The following ERICH6B variants were observed in gnomAD, a reference collection of about 807,000 sequenced individuals.
ERICH6B encodes glutamate-rich protein 6B.
Under a neutral mutation model 80.0 loss-of-function variants are expected in ERICH6B, and 69 were observed. The ratio of observed to expected loss-of-function variants is 0.86; its 90% CI spans 0.71 to 1.05. The LOEUF is 1.05. Ranked by LOEUF, ERICH6B falls within the 50% of genes least tolerant of loss-of-function variation. ERICH6B has a pLI of 0.00. For synonymous variants in ERICH6B, 283 were observed against 291.9 expected (o/e 0.97, Z 0.31); for missense variants, 754 against 796.1 (o/e 0.95, Z 0.64).
chr13:45,549,516 T>C (rs192436556), intron 13 of ERICH6B, among the ~76,000 whole-genome samples: 64 of 152,326 alleles, frequency 4.2e-4, no homozygotes, highest in Non-Finnish European at 8.2e-4. Flanking sequence ...GACCATGGAC[T>C]CTGTATGCAT....
rs374526358 is a variant in ERICH6B at position 45,544,902 on chromosome 13, T to A, written c.1730A>T (p.His577Leu). The A allele has an allele frequency of 1.0e-5, 16 of 1,551,628 alleles. No homozygotes were observed. The highest frequency in any genetic ancestry group is 1.4e-5 in the Non-Finnish European group (16 of 1,147,012). The change falls in exon 14 of 15, where the codon CAT (histidine) becomes CTT (leucine). Residue 577 changes from histidine to leucine, a missense_variant. By Grantham distance (99) the His-to-Leu change is moderately conservative. Transcript: ENST00000298738. Reference protein sequence around the residue: ...KAWNWWNLNIHVHAPPVQPIS... With the variant: ...KAWNWWNLNILVHAPPVQPIS... ...GGGCTGGACAGGGGGTGCGTGGACA[T>A]GGATGTTCAGATTCCACCAGTTCCA...
intron 8 of ERICH6B, among the ~76,000 whole-genome samples, chr13:45,572,526 C>T (rs958798883): frequency 2.6e-5 from 4 of 152,044 alleles, no homozygotes; most frequent in African/African-American, 7.3e-5. Context: ...TAGAAGAACA[C>T]GTAAATGAAT....
chr13:45,558,673 T>A (rs1874535882), intron 11 of ERICH6B, among the ~76,000 whole-genome samples: 1 of 152,246 alleles, frequency 6.6e-6, no homozygotes, highest in Non-Finnish European at 1.5e-5. Context: ...GTGCTTTTTC[T>A]GTGTCTATTG....
Position 45,597,015 on chromosome 13 carries a change from G to A in ERICH6B, c.-10C>T. On this transcript the variant is annotated 5_prime_UTR_variant, in exon 3 of 15. Transcript: ENST00000298738. ...TATTTTCAGCAGACATGCTGGGGAA[G>A]TCGTAGGTGGTGAACTCCTTCTGCA... The A allele has an allele frequency of 6.5e-7, 1 of 1,531,416 alleles. No homozygotes were observed. The highest frequency in any genetic ancestry group is 8.8e-7 in the Non-Finnish European group (1 of 1,135,608). The allele number at this position is 1,531,416 out of a possible 1,614,324, so 94.9% of individuals were successfully genotyped here. A position where few individuals can be genotyped will look rare whatever the true frequency, so the allele number is the denominator to read the frequency against.
chr13:45,541,404 G>T lies in ERICH6B; in HGVS notation c.*58C>A. 6.9e-7 allele frequency: 1 copy of T among 1,453,442 alleles called. No homozygotes were observed. Among genetic ancestry groups the T allele is most frequent in the Non-Finnish European group, 9.3e-7 (1 of 1,073,006 alleles). The allele number at this position is 1,453,442 out of a possible 1,614,324, so 90.0% of individuals were successfully genotyped here. ...CAGGTCTTTGGGTTTTTTTTCCCTG[G>T]AGCTCCCAAGGTCTCCAACTTCCTA... On this transcript the variant is annotated 3_prime_UTR_variant, in exon 15 of 15. Coordinates refer to ENST00000298738, the MANE Select transcript of ERICH6B (RefSeq NM_182542.3).
chr13:45,598,620 T>C (rs1477560319), intron 2 of ERICH6B, among the ~76,000 whole-genome samples: 2 of 152,182 alleles, frequency 1.3e-5, no homozygotes, highest in African/African-American at 4.8e-5. Context: ...CCATTCATCA[T>C]GGGCAAATGG....
At chr13:45,571,869 T>G (rs752464) in intron 8 of ERICH6B, among the ~76,000 whole-genome samples, 1 of 152,026 alleles carries the variant, frequency 6.6e-6, no homozygotes, top group Non-Finnish European at 1.5e-5. Flanking sequence ...CTGCAAGTCA[T>G]GGAGAGATAC....
At chr13:45,567,406 A>G (rs917653892) in intron 9 of ERICH6B, among the ~76,000 whole-genome samples, 5 of 152,186 alleles carry the variant, frequency 3.3e-5, no homozygotes, top group African/African-American at 1.2e-4. Context: ...CCCAAATCTC[A>G]TCTTGAATTC....
chr13:45,552,353 C>T (rs1251635598), intron 11 of ERICH6B, among the ~76,000 whole-genome samples: 2 of 152,088 alleles, frequency 1.3e-5, no homozygotes, highest in African/African-American at 4.8e-5. Flanking sequence ...TCCCCTGCTT[C>T]CTCAGCACAC....
At chr13:45,553,870 G>A (rs1874326059) in intron 11 of ERICH6B, among the ~76,000 whole-genome samples, 2 of 152,018 alleles carry the variant, frequency 1.3e-5, no homozygotes, top group African/African-American at 2.4e-5. Context: ...ATATATTTAT[G>A]TTGTACAACA....
intron 11 of ERICH6B, among the ~76,000 whole-genome samples, chr13:45,551,992 A>G (rs1264840847): frequency 3.3e-5 from 5 of 152,190 alleles, no homozygotes; most frequent in Non-Finnish European, 5.9e-5. Context: ...AAAAGCTGTA[A>G]CATTCCCCTC....
chr13:45,550,091 G>A lies in ERICH6B; in HGVS notation c.1494-46C>T, dbSNP rs541114352. ...AAGTAGTCAGTCCTTGGGGTCCCCT[G>A]GAAAAGGTAGGGCCCTGCAGATGAT... On this transcript the variant is annotated intron_variant, in intron 12 of 14. Transcript: ENST00000298738. The A allele has an allele frequency of 6.5e-6, 10 of 1,547,564 alleles. No homozygotes were observed. The African/African-American group carries it at 1.4e-4, about 21-fold the overall frequency.
At position 45,543,031 on chromosome 13, in the gene ERICH6B, A is replaced by C. The variant is rs116552934; in HGVS notation, c.1873-1351T>G. On this transcript the variant is annotated intron_variant, in intron 14 of 14. Transcript: ENST00000298738. ...ATCAGCCCACTTCTCCATCTGCCTC[A>C]TTCCCAGGGGACATGTCCATCTGTC... Among the ~76,000 whole-genome samples, 590 of 152,216 alleles carry C rather than the reference A, an allele frequency of 3.9e-3. 6 individuals are homozygous for C. Among genetic ancestry groups the C allele is most frequent in the African/African-American group, 0.014 (577 of 41,520 alleles).
intron 5 of ERICH6B, among the ~76,000 whole-genome samples, chr13:45,585,448 T>A (rs1226323265): frequency 6.6e-6 from 1 of 152,176 alleles, no homozygotes; most frequent in Non-Finnish European, 1.5e-5. Context: ...TTGCCACCAA[T>A]GCTCTCCAGA....
At chr13:45,580,740 T>G (rs1375563377) in intron 5 of ERICH6B, 75 bp from the exon 6 acceptor site, 3 of 1,445,624 alleles carry the variant, frequency 2.1e-6, no homozygotes, top group Non-Finnish European at 2.8e-6. Flanking sequence ...ACTGGGTATG[T>G]GGGGTCCCAG....
intron 7 of ERICH6B, 32 bp from the exon 8 acceptor site, chr13:45,574,962 G>A: frequency 7.0e-7 from 1 of 1,425,294 alleles, no homozygotes; most frequent in Non-Finnish European, 9.6e-7. Flanking sequence ...TCGAAAGGAA[G>A]GGCATGTGGA....
intron 11 of ERICH6B, among the ~76,000 whole-genome samples, chr13:45,553,346 C>T (rs959554896): frequency 1.3e-5 from 2 of 152,150 alleles, no homozygotes; most frequent in African/African-American, 4.8e-5. Context: ...ACGGTGGGCG[C>T]TGTGGTCACT....
At chr13:45,612,946 G>C (rs1313230232) in intron 1 of ERICH6B, among the ~76,000 whole-genome samples, 1 of 152,196 alleles carries the variant, frequency 6.6e-6, no homozygotes, top group Non-Finnish European at 1.5e-5. Flanking sequence ...AGGTCACGTA[G>C]AGGCCATCCT....
intron 1 of ERICH6B, among the ~76,000 whole-genome samples, chr13:45,611,074 C>A (rs1430062923): frequency 6.6e-6 from 1 of 152,076 alleles, no homozygotes; most frequent in African/African-American, 2.4e-5. Context: ...ATTTGTTACT[C>A]TTCACAACAG....
Sources: allele counts gnomAD v4.1 joint callset (sites outside exome capture counted in the v4.1 genomes callset), GRCh38; gene constraint gnomAD v4.1.1; transcripts MANE v1.5; gene names NCBI Gene and HGNC (gene_info 2026-07-23, HGNC 2026-07-21).